The following CRYBG1 variants were observed in gnomAD, a reference collection of about 807,000 sequenced individuals.
CRYBG1 encodes crystallin beta-gamma domain containing 1.
CRYBG1 carries 139 observed loss-of-function variants against 189.2 expected under a neutral mutation model. The ratio of observed to expected loss-of-function variants is 0.73; its 90% CI spans 0.64 to 0.85. The LOEUF (loss-of-function observed/expected upper bound fraction) is 0.85, where lower values mean the gene tolerates loss of function less well. Ranked by LOEUF, CRYBG1 falls within the 40% of genes least tolerant of loss-of-function variation. The pLI is 0.00. For synonymous variants in CRYBG1, 1,023 were observed against 1,017.1 expected (o/e 1.01, Z -0.11); for missense variants, 2,611 against 2,675.8 (o/e 0.98, Z 0.53).
chr6:106,385,656 C>T (rs1254365147), intron 1 of CRYBG1, among the ~76,000 whole-genome samples: 4 of 152,166 alleles, frequency 2.6e-5, no homozygotes, highest in Non-Finnish European at 4.4e-5. Context: ...TTGTAAACGT[C>T]GGTAGACTCG....
At chr6:106,439,038 T>C (rs1771521181) in intron 1 of CRYBG1, among the ~76,000 whole-genome samples, 1 of 127,946 alleles carries the variant, frequency 7.8e-6, no homozygotes, top group Non-Finnish European at 1.7e-5. Flanking sequence ...GGTATCAATT[T>C]ACTTAAAAAA....
intron 21 of CRYBG1, among the ~76,000 whole-genome samples, chr6:106,567,667 C>A (rs1363677940): frequency 6.8e-6 from 1 of 148,114 alleles, no homozygotes; most frequent in Non-Finnish European, 1.5e-5. Context: ...CTGAAGGGAT[C>A]TTTATTCTAC....
At chr6:106,507,505 A>G (rs1340666875) in intron 2 of CRYBG1, among the ~76,000 whole-genome samples, 1 of 152,202 alleles carries the variant, frequency 6.6e-6, no homozygotes, top group Non-Finnish European at 1.5e-5. Flanking sequence ...GGAAGCATGA[A>G]GAAACTTGAT....
chr6:106,418,050 T>C (rs760392072), intron 1 of CRYBG1, among the ~76,000 whole-genome samples: 9 of 152,232 alleles, frequency 5.9e-5, no homozygotes, highest in Non-Finnish European at 8.8e-5. Flanking sequence ...TCCTGAGCTC[T>C]TGTCCAGCAT....
rs1037338416 is a variant in CRYBG1 at position 106,431,623 on chromosome 6, C to T, written c.174-20071C>T. 4.6e-5 allele frequency among the ~76,000 whole-genome samples: 7 copies of T among 152,146 alleles called. 1 individual carries two copies. Among genetic ancestry groups the T allele is most frequent in the Admixed American group, 2.0e-4 (3 of 15,276 alleles). On this transcript the variant is annotated intron_variant, in intron 1 of 21. Transcript: ENST00000633556. ...GTTCTGTTTTATTGACTTAATTATTCTACCCGTAGGTGGACAGACTACACT... is the reference window on the plus strand; with the variant it reads ...GTTCTGTTTTATTGACTTAATTATTTTACCCGTAGGTGGACAGACTACACT...
chr6:106,561,292 C>T, intron 19 of CRYBG1, 50 bp from the exon 20 acceptor site: 1 of 1,586,860 alleles, frequency 6.3e-7, no homozygotes, highest in Non-Finnish European at 8.6e-7. Context: ...TTGTTCAGTG[C>T]TTCCAGCAGC....
At chr6:106,505,189 G>T (rs1773104824) in intron 2 of CRYBG1, among the ~76,000 whole-genome samples, 1 of 151,926 alleles carries the variant, frequency 6.6e-6, no homozygotes, top group African/African-American at 2.4e-5. Context: ...CCGCCTCCCG[G>T]GTTCAAGCAA....
chr6:106,363,356 T>C (rs1430233232), intron 1 of CRYBG1, among the ~76,000 whole-genome samples: 1 of 152,168 alleles, frequency 6.6e-6, no homozygotes, highest in East Asian at 1.9e-4. Flanking sequence ...AGAACCGTGA[T>C]GAACTTCGTA....
intron 13 of CRYBG1, among the ~76,000 whole-genome samples, chr6:106,546,560 A>G (rs1562114048): frequency 6.6e-6 from 1 of 152,252 alleles, no homozygotes; most frequent in Non-Finnish European, 1.5e-5. Context: ...ACCTTGTTCA[A>G]CAAGTTCTTG....
intron 1 of CRYBG1, among the ~76,000 whole-genome samples, chr6:106,377,961 C>T (rs1770204028): frequency 6.6e-6 from 1 of 152,112 alleles, no homozygotes; most frequent in Admixed American, 6.5e-5. Context: ...TTAAGCAAAT[C>T]ACCTAAATTC....
chr6:106,526,793 C>T (rs35090908), intron 6 of CRYBG1, among the ~76,000 whole-genome samples: 34,054 of 151,562 alleles, frequency 0.22, 4,084 homozygotes, highest in South Asian at 0.33. Flanking sequence ...ATACAAAAAT[C>T]AGCCAGGCTT....
rs761149534 is a variant in CRYBG1 at position 106,520,868 on chromosome 6, T to C, written c.3660T>C (p.Asn1220=). 14 of 1,614,004 alleles carry C rather than the reference T, an allele frequency of 8.7e-6. No individual in the cohort carries two copies. Residue 1220 remains asparagine, a synonymous_variant, in exon 4 of 22, where the codon AAT becomes AAC. Coordinates refer to ENST00000633556, the MANE Select transcript of CRYBG1 (RefSeq NM_001371242.2). The part of the protein sequence containing the change: ...NSEPLVMPEI[N]DKENRDVTNG... ...AGCCTCTGGTGATGCCGGAAATCAA[T>C]GACAAAGAGAACAGGGACGTCACAA...
intron 4 of CRYBG1, among the ~76,000 whole-genome samples, chr6:106,523,858 A>G (rs1446969903): frequency 6.6e-6 from 1 of 151,916 alleles, no homozygotes; most frequent in Non-Finnish European, 1.5e-5. Flanking sequence ...CAGCCTCCCA[A>G]GTAGCTGGGA....
chr6:106,386,726 T>C (rs565572010), intron 1 of CRYBG1, among the ~76,000 whole-genome samples: 3 of 152,270 alleles, frequency 2.0e-5, no homozygotes, highest in Admixed American at 2.0e-4. Context: ...AGACATACCA[T>C]CAAGAGGCAG....
At chr6:106,426,637 A>G (rs751617548) in intron 1 of CRYBG1, among the ~76,000 whole-genome samples, 20 of 152,140 alleles carry the variant, frequency 1.3e-4, no homozygotes, top group Admixed American at 5.2e-4. Context: ...TTCTAGACAG[A>G]TTAGGAGAGC....
intron 1 of CRYBG1, among the ~76,000 whole-genome samples, chr6:106,365,133 T>G (rs954670301): frequency 6.6e-5 from 10 of 152,166 alleles, no homozygotes. Flanking sequence ...AGTAAAAATA[T>G]TAAAACATAA....
intron 2 of CRYBG1, among the ~76,000 whole-genome samples, chr6:106,478,630 G>T (rs1772382682): frequency 6.6e-6 from 1 of 152,110 alleles, no homozygotes; most frequent in South Asian, 2.1e-4. Context: ...CATAGATCAG[G>T]GGCCCCCGAC....
At chr6:106,544,762 G>A (rs749010542) in intron 12 of CRYBG1, 26 bp from the exon 13 acceptor site, 1 of 1,602,574 alleles carries the variant, frequency 6.2e-7, no homozygotes, top group Non-Finnish European at 8.5e-7. Context: ...GCTAGCCTTT[G>A]AATTTTGAAT....
chr6:106,519,702 A>G lies in CRYBG1; in HGVS notation c.2494A>G (p.Thr832Ala). The change falls in exon 4 of 22, where the codon ACC becomes GCC. Residue 832 changes from threonine (T) to alanine (A), a missense_variant. Physicochemically the swap from Thr to Ala is moderately conservative, Grantham distance 58 (BLOSUM62 0). Transcript: ENST00000633556. The stretch of plus-strand genomic sequence containing the variant: ...CAAAAGCCTTGTACTTGAAAATGTA[A>G]CCGATACAGCACAAGACATCCCCAC... ...DSKSLVLENV[T>A]DTAQDIPTTV... The G allele has an allele frequency of 2.5e-6, 4 of 1,614,204 alleles. No homozygotes were observed. The highest frequency in any genetic ancestry group is 3.4e-6 in the Non-Finnish European group (4 of 1,180,040).
Sources: gnomAD v4.1 joint callset for allele counts (sites outside exome capture counted in the v4.1 genomes callset) on GRCh38, gnomAD v4.1.1 for gene constraint, MANE v1.5 for transcripts, NCBI Gene and HGNC (gene_info 2026-07-23, HGNC 2026-07-21) for gene names.